The following ZNF880 variants were observed in gnomAD, a reference collection of about 807,000 sequenced individuals.
The protein encoded by ZNF880 is zinc finger protein 880, also known as zinc finger protein LOC400713.
Under a neutral mutation model 11.8 loss-of-function variants are expected in ZNF880, and 12 were observed. That is an observed-to-expected ratio of 1.02 (90% CI 0.65 to 1.65). ZNF880 has a LOEUF of 1.65. ZNF880 is among the 40% of genes most tolerant of loss of function. ZNF880 has a pLI of 0.00. For missense variants in ZNF880, 601 were observed against 673.9 expected (o/e 0.89, Z 1.20); for synonymous variants, 210 against 232.4 (o/e 0.90, Z 0.88).
chr19:52,373,919 T>G (rs1226481156), intron 2 of ZNF880, among the ~76,000 whole-genome samples: 1 of 151,924 alleles, frequency 6.6e-6, no homozygotes, highest in Non-Finnish European at 1.5e-5. Context: ...TCCGCCCACC[T>G]CGGCCTCCCA....
At chr19:52,392,328 C>A in the ZNF880 span, among the ~76,000 whole-genome samples, 5 of 152,040 alleles carry the variant, frequency 3.3e-5, no homozygotes, top group East Asian at 1.9e-4. Flanking sequence ...TTTGACGGAG[C>A]CTCGCTCTGT....
chr19:52,384,529 A>T lies in ZNF880; in HGVS notation c.949A>T (p.Ile317Phe). 1 of 1,614,030 alleles carries T rather than the reference A, an allele frequency of 6.2e-7. No individual in the cohort carries two copies. The highest frequency in any genetic ancestry group is 8.5e-7 in the Non-Finnish European group (1 of 1,179,976). ...RNAHLARHQKIHSGEKPYKCK... is the reference protein window; with the variant it reads ...RNAHLARHQKFHSGEKPYKCK... The stretch of plus-strand genomic sequence containing the variant: ...TGCACACCTTGCACGACATCAGAAA[A>T]TTCATAGTGGAGAGAAACCTTACAA... Residue 317 changes from isoleucine to phenylalanine, a missense_variant, in exon 4 of 4, where the codon ATT becomes TTT. Coordinates refer to ENST00000422689, the MANE Select transcript of ZNF880 (RefSeq NM_001145434.2).
chr19:52,376,493 ACCGCCCCC>A (rs143514200), intron 3 of ZNF880, among the ~76,000 whole-genome samples: 58,296 of 103,944 alleles, frequency 0.56, 14,616 homozygotes, highest in South Asian at 0.65. Context: ...TGTCCTTAGC[ACCGCCCCC>A]CCCCCCCCTT....
chr19:52,397,225 T>A, the ZNF880 span: 3 of 150,902 alleles, frequency 2.0e-5, no homozygotes, highest in Non-Finnish European at 4.4e-5. Flanking sequence ...ACGATGTCCC[T>A]AGGAAAGTCT....
intron 3 of ZNF880, among the ~76,000 whole-genome samples, chr19:52,380,352 A>G (rs911179222): frequency 3.3e-5 from 5 of 151,230 alleles, no homozygotes; most frequent in Admixed American, 6.6e-5. Flanking sequence ...ATGATAGCTC[A>G]TTGTGTTTTT....
chr19:52,371,667 C>T (rs73934440), intron 1 of ZNF880, among the ~76,000 whole-genome samples: 3,995 of 152,204 alleles, frequency 0.026, 175 homozygotes, highest in African/African-American at 0.091. Flanking sequence ...TGAGCCACCA[C>T]GCCTGGCCTA....
intron 1 of ZNF880, 68 bp from the exon 2 acceptor site, chr19:52,373,043 G>A: frequency 6.5e-7 from 1 of 1,536,650 alleles, no homozygotes; most frequent in Non-Finnish European, 9.0e-7. Context: ...CTTCAATCAA[G>A]TCAGTCCTTA....
chr19:52,393,938 G>C, the ZNF880 span, among the ~76,000 whole-genome samples: 1 of 144,342 alleles, frequency 6.9e-6, no homozygotes. Flanking sequence ...CTGAGTTCAC[G>C]CCATTCTCCT....
chr19:52,370,030 T>C lies in ZNF880; in HGVS notation c.12+53T>C, dbSNP rs114495369. ...CTGGGATGCTGAGTCCCCTCGCGCT[T>C]CTGTACCCGGCATCTCAGGGGTCAC... On this transcript the variant is annotated intron_variant, in intron 1 of 3. Coordinates refer to ENST00000422689, the MANE Select transcript of ZNF880 (RefSeq NM_001145434.2). The C allele has an allele frequency of 7.7e-4, 1,198 of 1,550,868 alleles. 10 individuals carry two copies. The African/African-American group carries it at 0.014, about 18-fold the overall frequency.
chr19:52,374,655 CT>C, intron 3 of ZNF880: 1 of 670,336 alleles, frequency 1.5e-6, no homozygotes, highest in Non-Finnish European at 2.7e-6. Context: ...CTTTGAGTTT[CT>C]GTTTGGGAGC....
chr19:52,376,783 T>C (rs907313440), intron 3 of ZNF880, among the ~76,000 whole-genome samples: 2 of 152,148 alleles, frequency 1.3e-5, no homozygotes, highest in African/African-American at 4.8e-5. Context: ...ATGCTGGGAT[T>C]ATAGGGGTGA....
upstream of ZNF880, among the ~76,000 whole-genome samples, chr19:52,368,735 A>T (rs987909569): frequency 1.3e-5 from 2 of 152,064 alleles, no homozygotes; most frequent in African/African-American, 4.8e-5. Flanking sequence ...CATTGCCTCC[A>T]AATTCTATGT....
rs1214110186 is a variant in ZNF880, at chr19:52,385,016, T to C, written c.1436T>C (p.Leu479Pro). The part of the protein sequence containing the change: ...CGKDFTRNSN[L>P]ANHHRIHTGE... ...AAGGACTTCACTCGAAATTCAAACC[T>C]TGCAAATCATCACAGAATCCATACT... Residue 479 changes from leucine (L) to proline (P), a missense_variant, in exon 4 of 4, where the codon CTT (leucine) becomes CCT (proline). Leu to Pro is a moderately conservative substitution (Grantham distance 98). Around this residue, in one of 3 missense-constraint regions of ZNF880, gnomAD observed 177 missense variants for 214.5 expected, o/e 0.83. Transcript: ENST00000422689. 1.3e-6 allele frequency: 2 copies of C among 1,566,228 alleles called. No homozygotes were observed. Among genetic ancestry groups the C allele is most frequent in the African/African-American group, 1.4e-5 (1 of 73,604 alleles).
At chr19:52,394,778 T>C in the ZNF880 span, 2 of 152,116 alleles carry the variant, frequency 1.3e-5, no homozygotes, top group South Asian at 2.1e-4. Flanking sequence ...CAGGGGAGAA[T>C]TTGTTTCCTT....
downstream of ZNF880, among the ~76,000 whole-genome samples, chr19:52,388,281 A>ATTTTTTTTTT (rs1298446341): frequency 2.1e-4 from 8 of 38,886 alleles, no homozygotes; most frequent in African/African-American, 1.1e-3. Flanking sequence ...GGCAATTTGA[A>ATTTTTTTTTT]CTTTTTTTTT....
At chr19:52,386,810 A>G (rs1431802017), downstream of ZNF880, among the ~76,000 whole-genome samples, 2 of 141,940 alleles carry the variant, frequency 1.4e-5, 1 homozygote, top group Non-Finnish European at 3.1e-5. Context: ...CTCAAAAAAA[A>G]AAAAAAAAAA....
intron 3 of ZNF880, chr19:52,379,402 C>CTTTT: frequency 1.6e-5 from 6 of 370,792 alleles, no homozygotes; most frequent in East Asian, 8.3e-5. Flanking sequence ...TTTCATTTTT[C>CTTTT]TTTTTTTTTT....
rs1431581962 is a variant in ZNF880 at position 52,385,136 on chromosome 19, C to G, written c.1556C>G (p.Ser519Cys). 1.7e-5 allele frequency: 26 copies of G among 1,557,052 alleles called. No individual in the cohort carries two copies. Among genetic ancestry groups the G allele is most frequent in the Non-Finnish European group, 2.0e-5 (23 of 1,150,130 alleles). Residue 519 changes from serine to cysteine, a missense_variant, in exon 4 of 4, where the codon TCT (serine) becomes TGT (cysteine). By Grantham distance (112) the Ser-to-Cys change is moderately radical (BLOSUM62 -1). This residue lies in a region of ZNF880 where 177 missense variants were observed against 214.5 expected (regional missense o/e 0.83). Transcript: ENST00000422689. ...AGGCAAATTCATACTGGAGAGAAGT[C>G]TTACAAATGCAATGAATGTGGCAAG... ...RHRQIHTGEK[S>C]YKCNECGKVF...
At position 52,384,332 on chromosome 19, in the gene ZNF880, G is replaced by A. The variant is rs769282644; in HGVS notation, c.752G>A (p.Arg251Gln). Residue 251 changes from arginine to glutamine, a missense_variant, in exon 4 of 4, where the codon CGA (arginine) becomes CAA (glutamine). Around this residue, in one of 3 missense-constraint regions of ZNF880, gnomAD observed 420 missense variants for 442.6 expected, o/e 0.95. Transcript: ENST00000422689. ...KCHECGKLFNRISLLARHQRI... is the reference protein window; with the variant it reads ...KCHECGKLFNQISLLARHQRI... ...CATGAATGTGGCAAGCTCTTCAATC[G>A]AATTTCACTCCTTGCACGACATCAG... 4.7e-5 allele frequency: 69 copies of A among 1,483,306 alleles called. No individual in the cohort carries two copies. The highest frequency in any genetic ancestry group is 3.5e-4 in the South Asian group (30 of 86,832). 91.9% of individuals were successfully genotyped at this position (1,483,306 alleles called of 1,614,324 possible).
Sources: allele counts gnomAD v4.1 joint callset (sites outside exome capture counted in the v4.1 genomes callset), GRCh38; gene constraint gnomAD v4.1.1; regional missense constraint gnomAD v4.1.1; transcripts MANE v1.5; gene names NCBI Gene and HGNC (gene_info 2026-07-23, HGNC 2026-07-21).